The following SPAG17 variants were observed in gnomAD, a reference collection of about 807,000 sequenced individuals.
The protein encoded by SPAG17 is sperm-associated antigen 17.
Under a neutral mutation model 273.6 loss-of-function variants are expected in SPAG17, and 169 were observed. That is an observed-to-expected ratio of 0.62 (90% CI 0.55 to 0.70). The LOEUF is 0.70. Ranked by LOEUF, SPAG17 falls within the 30% of genes least tolerant of loss-of-function variation. The pLI is 0.00. For synonymous variants in SPAG17, 825 were observed against 873.2 expected (o/e 0.94, Z 0.97); for missense variants, 2,557 against 2,627.8 (o/e 0.97, Z 0.59).
chr1:118,024,549 G>A (rs1484364290), intron 27 of SPAG17, among the ~76,000 whole-genome samples: 1 of 151,600 alleles, frequency 6.6e-6, no homozygotes, highest in African/African-American at 2.4e-5. Flanking sequence ...ATTCTTGAGT[G>A]CATGGTCATC....
At chr1:118,059,496 T>C (rs1392041645) in intron 18 of SPAG17, among the ~76,000 whole-genome samples, 3 of 152,128 alleles carry the variant, frequency 2.0e-5, no homozygotes, top group Non-Finnish European at 4.4e-5. Flanking sequence ...TTATCATTTT[T>C]TGTGGGGTAA....
rs564403560 is a variant in SPAG17, at chr1:118,097,106, G to A, written c.1011+564C>T. On this transcript the variant is annotated intron_variant, in intron 7 of 48. Coordinates refer to ENST00000336338, the MANE Select transcript of SPAG17 (RefSeq NM_206996.4). Reference sequence around the variant, plus strand: ...AAAAATTAGCTGGGCATGGTGGCACGTGCCTGTAGTCCCAGCTACATGGGA... The same window carrying A: ...AAAAATTAGCTGGGCATGGTGGCACATGCCTGTAGTCCCAGCTACATGGGA... Among the ~76,000 whole-genome samples the A allele has an allele frequency of 4.6e-5, 7 of 152,030 alleles. No individual in the cohort carries two copies. In the South Asian group the frequency reaches 8.3e-4, roughly 18 times the overall value.
At chr1:118,166,362 G>A (rs969551927) in intron 1 of SPAG17, among the ~76,000 whole-genome samples, 6 of 152,298 alleles carry the variant, frequency 3.9e-5, no homozygotes, top group Admixed American at 2.6e-4. Flanking sequence ...TATAGGAAAT[G>A]TTTTGTCATG....
intron 16 of SPAG17, 25 bp downstream of exon 16, chr1:118,074,514 C>A (rs763623915): frequency 6.3e-7 from 1 of 1,596,376 alleles, no homozygotes; most frequent in South Asian, 1.1e-5. Flanking sequence ...TTGTCATCTA[C>A]ATTTTCAGAA....
At chr1:118,061,665 T>C (rs1652311158) in intron 18 of SPAG17, among the ~76,000 whole-genome samples, 1 of 152,230 alleles carries the variant, frequency 6.6e-6, no homozygotes, top group South Asian at 2.1e-4. Flanking sequence ...ATGAGGACAT[T>C]TTTTTAACAT....
intron 38 of SPAG17, among the ~76,000 whole-genome samples, chr1:117,989,298 A>G (rs1239814919): frequency 2.0e-5 from 3 of 152,134 alleles, no homozygotes; most frequent in Non-Finnish European, 4.4e-5. Context: ...TGGTGCGGTC[A>G]TCTGCTTCTG....
intron 4 of SPAG17, among the ~76,000 whole-genome samples, chr1:118,115,018 G>A (rs1656990711): frequency 6.6e-6 from 1 of 152,090 alleles, no homozygotes; most frequent in Non-Finnish European, 1.5e-5. Context: ...TCTTCCTTGG[G>A]TCCCTTCTTG....
chr1:118,029,552 AAAAAT>A (rs1339007695), intron 25 of SPAG17, among the ~76,000 whole-genome samples: 2 of 152,220 alleles, frequency 1.3e-5, no homozygotes, highest in Non-Finnish European at 2.9e-5. Context: ...TGAAAGTAAT[AAAAAT>A]AAAAGACAAT....
chr1:118,170,435 T>C (rs747159031), intron 1 of SPAG17, among the ~76,000 whole-genome samples: 3 of 152,104 alleles, frequency 2.0e-5, no homozygotes, highest in Non-Finnish European at 4.4e-5. Context: ...CTGCAAGACA[T>C]GCTTTAAGAG....
intron 41 of SPAG17, among the ~76,000 whole-genome samples, chr1:117,984,323 A>C (rs1432326680): frequency 6.6e-6 from 1 of 152,228 alleles, no homozygotes; most frequent in East Asian, 1.9e-4. Flanking sequence ...TGGGTGAGGA[A>C]ATTTTAACTG....
chr1:118,015,999 A>T lies in SPAG17; in HGVS notation c.4253T>A (p.Leu1418Ter). The T allele has an allele frequency of 6.2e-7, 1 of 1,614,066 alleles. No individual in the cohort carries two copies. Residue 1418 changes from leucine (L) to a stop codon, truncating the protein, a stop_gained, in exon 29 of 49, where the codon TTA (leucine) becomes TAA (stop). Transcript: ENST00000336338. LOFTEE classifies it high-confidence loss of function. ...LERIADLTPL[L>*]SFQATDPVNG... is the part of the protein sequence containing the mutation. ...GACAGGATCTGTGGCCTGAAAGGAT[A>T]ACAATGGGGTCAAGTCTGCTATTCT...
intron 1 of SPAG17, among the ~76,000 whole-genome samples, chr1:118,159,911 C>T (rs1163100893): frequency 6.6e-6 from 1 of 152,140 alleles, no homozygotes; most frequent in Non-Finnish European, 1.5e-5. Flanking sequence ...ATTACGGCTC[C>T]ATTATGTTAG....
At chr1:117,981,632 A>G (rs2101590347) in intron 42 of SPAG17, among the ~76,000 whole-genome samples, 1 of 152,252 alleles carries the variant, frequency 6.6e-6, no homozygotes, top group East Asian at 1.9e-4. Flanking sequence ...CAAAGTTTGT[A>G]CTCCCTAGGA....
chr1:118,104,899 GGGTATGAGGTCAA>G (rs1343108436), intron 4 of SPAG17, among the ~76,000 whole-genome samples: 3 of 152,130 alleles, frequency 2.0e-5, no homozygotes, highest in Admixed American at 2.0e-4. Flanking sequence ...GGATGCAAGG[GGGTATGAGGTCAA>G]GGTATGTATA....
chr1:118,123,548 G>C, intron 3 of SPAG17, among the ~76,000 whole-genome samples: 1 of 152,172 alleles, frequency 6.6e-6, no homozygotes, highest in Non-Finnish European at 1.5e-5. Flanking sequence ...GGAACGTTAT[G>C]AAAGTGCTCA....
intron 18 of SPAG17, among the ~76,000 whole-genome samples, chr1:118,061,003 C>T (rs1221935346): frequency 6.6e-6 from 1 of 152,064 alleles, no homozygotes; most frequent in Non-Finnish European, 1.5e-5. Flanking sequence ...TATCATTTCA[C>T]TTATACTGGG....
chr1:118,012,461 C>T (rs1659579617), intron 29 of SPAG17, 89 bp from the exon 30 acceptor site: 7 of 1,392,068 alleles, frequency 5.0e-6, no homozygotes, highest in African/African-American at 1.5e-5. Flanking sequence ...GAAGATGGCA[C>T]CATCAAAGTC....
intron 29 of SPAG17, among the ~76,000 whole-genome samples, chr1:118,015,074 C>T (rs747398913): frequency 6.6e-6 from 1 of 151,632 alleles, no homozygotes. Context: ...CACCTGAAGT[C>T]AGGAGTTGGA....
intron 43 of SPAG17, among the ~76,000 whole-genome samples, chr1:117,978,470 A>C (rs543555481): frequency 1.3e-5 from 2 of 152,168 alleles, no homozygotes; most frequent in Non-Finnish European, 2.9e-5. Context: ...CTCTGGCATC[A>C]TCAAGTTCTC....
Sources: allele counts gnomAD v4.1 joint callset (sites outside exome capture counted in the v4.1 genomes callset), GRCh38; gene constraint gnomAD v4.1.1; transcripts MANE v1.5; gene names NCBI Gene and HGNC (gene_info 2026-07-23, HGNC 2026-07-21).